The following FZR1 variants were observed in gnomAD, a reference collection of about 807,000 sequenced individuals.
The protein encoded by FZR1 is fizzy and cell division cycle 20 related 1.
A neutral mutation model predicts 63.6 loss-of-function variants in FZR1; 11 were observed. The ratio of observed to expected loss-of-function variants is 0.17; its 90% CI spans 0.11 to 0.29. FZR1 has a LOEUF of 0.29. Among genes scored for constraint, FZR1 ranks in the 10% least tolerant of loss-of-function variants. The probability of loss-of-function intolerance (pLI) is 1.00; values close to 1 mark genes in which losing one functional copy is unlikely to be tolerated. For missense variants in FZR1, 440 were observed against 687.5 expected (o/e 0.64, Z 4.03); for synonymous variants, 328 against 297.9 (o/e 1.10, Z -1.04).
chr19:3,528,841 G>A (rs947961882), intron 7 of FZR1, among the ~76,000 whole-genome samples: 2 of 133,876 alleles, frequency 1.5e-5, no homozygotes, highest in Admixed American at 1.5e-4. Context: ...ATGGATGAGA[G>A]AGTGGATGGG....
Position 3,531,904 on chromosome 19 carries a change from C to T in FZR1, c.824-7C>T. 1 of 1,589,532 alleles carries T rather than the reference C, an allele frequency of 6.3e-7. No homozygotes were observed. The highest frequency in any genetic ancestry group is 8.5e-7 in the Non-Finnish European group (1 of 1,170,548). The stretch of plus-strand genomic sequence containing the variant: ...GAGGCTCACCCCCGCTTCCACCTGG[C>T]CTCCAGGGGCGCTGGCCTGGAATGC... On this transcript the variant is annotated splice_polypyrimidine_tract_variant and splice_region_variant and intron_variant, in intron 9 of 13. Transcript: ENST00000441788.
intron 1 of FZR1, among the ~76,000 whole-genome samples, chr19:3,521,480 T>A (rs1364480985): frequency 6.6e-6 from 1 of 150,944 alleles, no homozygotes; most frequent in Admixed American, 6.6e-5. Context: ...ACCACGGGAA[T>A]GTGATTAACA....
intron 13 of FZR1, 52 bp downstream of exon 13, chr19:3,534,565 G>GGTCGTCCCTGTCCCCACT (rs1467841461): frequency 8.0e-7 from 1 of 1,252,500 alleles, no homozygotes; most frequent in Non-Finnish European, 1.2e-6. Context: ...CCTGTCCCAG[G>GGTCGTCCCTGTCCCCACT]GTCGTCCCTG....
At position 3,530,966 on chromosome 19, in the gene FZR1, G is replaced by T; in HGVS notation, c.720+109G>T. 5 of 754,996 alleles carry T rather than the reference G, an allele frequency of 6.6e-6. No individual in the cohort carries two copies. The South Asian group carries it at 8.3e-5, about 12-fold the overall frequency. The allele number at this position is 754,996 out of a possible 1,614,324, so 46.8% of individuals were successfully genotyped here. A position where few individuals can be genotyped will look rare whatever the true frequency, so the allele number is the denominator to read the frequency against. ...TAGTGCGTGGCCTGAGGTCGCCTGTGTCCAAGCATAGGTCTGTGTCCCCCA... is the reference window on the plus strand; with the variant it reads ...TAGTGCGTGGCCTGAGGTCGCCTGTTTCCAAGCATAGGTCTGTGTCCCCCA... On this transcript the variant is annotated intron_variant, in intron 8 of 13. Transcript: ENST00000441788.
intron 1 of FZR1, among the ~76,000 whole-genome samples, chr19:3,521,506 CTT>C (rs60474623): frequency 2.8e-5 from 4 of 143,876 alleles, no homozygotes; most frequent in Non-Finnish European, 4.6e-5. Context: ...GAACTGTACG[CTT>C]TTTTTTTTTT....
chr19:3,519,709 C>G (rs1358789177), intron 1 of FZR1, among the ~76,000 whole-genome samples: 1 of 152,240 alleles, frequency 6.6e-6, no homozygotes, highest in African/African-American at 2.4e-5. Context: ...ACAGCCTGGA[C>G]TGAGCACTGC....
intron 1 of FZR1, among the ~76,000 whole-genome samples, chr19:3,518,912 C>T (rs1212171127): frequency 6.6e-6 from 1 of 152,240 alleles, no homozygotes; most frequent in African/African-American, 2.4e-5. Flanking sequence ...ACCTGGAATG[C>T]TTCTCCACCA....
rs1332422715 is a variant in FZR1, at chr19:3,531,765, G to A, written c.772G>A (p.Ala258Thr). ...THKGFVQIWD[A>T]AAGKKLSMLE... Reference sequence around the variant, plus strand: ...CAAGGGCTTCGTGCAGATCTGGGACGCAGCCGCAGGGAAGAAGCTGTCCAT... The same window carrying A: ...CAAGGGCTTCGTGCAGATCTGGGACACAGCCGCAGGGAAGAAGCTGTCCAT... The change falls in exon 9 of 14, where the codon GCA (alanine) becomes ACA (threonine). Residue 258 changes from alanine to threonine, a missense_variant. Around this residue, in one of 5 missense-constraint regions of FZR1, gnomAD observed 208 missense variants for 363.6 expected, o/e 0.57. Coordinates refer to ENST00000441788, the MANE Select transcript of FZR1 (RefSeq NM_016263.4). 4 of 1,549,930 alleles carry A rather than the reference G, an allele frequency of 2.6e-6. No homozygotes were observed. Among genetic ancestry groups the A allele is most frequent in the East Asian group, 4.9e-5 (2 of 40,910 alleles).
chr19:3,534,080 TGTG>T (rs1349347091), intron 12 of FZR1, among the ~76,000 whole-genome samples: 1 of 151,636 alleles, frequency 6.6e-6, no homozygotes, highest in Non-Finnish European at 1.5e-5. Context: ...TTAAATGAGG[TGTG>T]GTGGTGTGCA....
chr19:3,506,844 C>T (rs1282899676), intron 1 of FZR1, among the ~76,000 whole-genome samples: 1 of 152,162 alleles, frequency 6.6e-6, no homozygotes, highest in Non-Finnish European at 1.5e-5. Flanking sequence ...ACCCCTAGAA[C>T]AGCAGACCCC....
Position 3,537,752 on chromosome 19 carries a change from G to C in FZR1, c.*2916G>C, listed in dbSNP as rs1265353174. The stretch of plus-strand genomic sequence containing the variant: ...AGGAGCTGGGGCAGGCCCCATCCTG[G>C]GCATTGGAGATGATGAAACCGAGCA... On this transcript the variant is annotated 3_prime_UTR_variant, in exon 14 of 14. Coordinates refer to ENST00000441788, the MANE Select transcript of FZR1 (RefSeq NM_016263.4). 3.3e-5 allele frequency: 5 copies of C among 152,640 alleles called. No individual in the cohort carries two copies. Among genetic ancestry groups the C allele is most frequent in the Non-Finnish European group, 5.8e-5 (4 of 68,414 alleles). 9.5% of individuals were successfully genotyped at this position (152,640 alleles called of 1,614,324 possible).
chr19:3,527,558 G>T, intron 6 of FZR1, 73 bp from the exon 7 acceptor site: 1 of 1,223,996 alleles, frequency 8.2e-7, no homozygotes, highest in Non-Finnish European at 1.2e-6. Flanking sequence ...CAGGGAAGGA[G>T]ACACTTCCCA....
Position 3,534,796 on chromosome 19 carries a change from A to C in FZR1, c.1442A>C (p.Glu481Ala), listed in dbSNP as rs2083280682. The C allele has an allele frequency of 6.2e-7, 1 of 1,612,556 alleles. No homozygotes were observed. Among genetic ancestry groups the C allele is most frequent in the African/African-American group, 1.3e-5 (1 of 74,868 alleles). Residue 481 changes from glutamate to alanine, a missense_variant and splice_region_variant, in exon 14 of 14, where the codon GAG (glutamate) becomes GCG (alanine). By Grantham distance (107) the Glu-to-Ala change is moderately radical. Transcript: ENST00000441788. ...NVFSKTRSTK[E>A]SVSVLNLFTR... ...TCTGCCATCCCCATGTGTCTGCAGG[A>C]GTCTGTGTCTGTGCTCAACCTCTTC...
chr19:3,510,927 G>A (rs2083020281), intron 1 of FZR1, among the ~76,000 whole-genome samples: 1 of 152,260 alleles, frequency 6.6e-6, no homozygotes, highest in African/African-American at 2.4e-5. Flanking sequence ...AATGTCCGCA[G>A]CGCTGAGGTT....
chr19:3,514,806 C>T lies in FZR1; in HGVS notation c.-34-8150C>T, dbSNP rs138193892. On this transcript the variant is annotated intron_variant, in intron 1 of 13. Transcript: ENST00000441788. This position sits in a 1 kb window ranked among gnomAD's most constrained non-coding sequence, Gnocchi z 4.2. ...TTATCCCAGGGCGTCTCCCTCTGTA[C>T]GGGGGCCCTGTCACTGTTTTGTCAG... Among the ~76,000 whole-genome samples the T allele has an allele frequency of 2.6e-5, 4 of 152,316 alleles. No homozygotes were observed. Among genetic ancestry groups the T allele is most frequent in the Admixed American group, 6.5e-5 (1 of 15,314 alleles).
chr19:3,532,192 C>A (rs538644313), intron 10 of FZR1, 97 bp downstream of exon 10: 83 of 1,187,602 alleles, frequency 7.0e-5, no homozygotes, highest in Non-Finnish European at 9.3e-5. Context: ...GGCGCGGGCG[C>A]GGGGCCCACT....
chr19:3,507,204 A>G (rs2082990464), intron 1 of FZR1, among the ~76,000 whole-genome samples: 2 of 62,964 alleles, frequency 3.2e-5, no homozygotes, highest in Admixed American at 4.7e-4. Flanking sequence ...CTCTCCCACC[A>G]AAGCCTCAGA....
intron 2 of FZR1, among the ~76,000 whole-genome samples, chr19:3,524,000 T>C (rs2083128311): frequency 1.3e-5 from 2 of 152,212 alleles, no homozygotes; most frequent in African/African-American, 2.4e-5. Flanking sequence ...TCGTGCGTGA[T>C]GTAGCAGGGT....
In FZR1 at chr19:3,535,184, A is replaced by C; in HGVS notation, c.*348A>C. 1 of 357,896 alleles carries C rather than the reference A, an allele frequency of 2.8e-6. No homozygotes were observed. Among genetic ancestry groups the C allele is most frequent in the Non-Finnish European group, 5.3e-6 (1 of 188,884 alleles). The allele number at this position is 357,896 out of a possible 1,614,324, so 22.2% of individuals were successfully genotyped here. A position where few individuals can be genotyped will look rare whatever the true frequency, so the allele number is the denominator to read the frequency against. On this transcript the variant is annotated 3_prime_UTR_variant, in exon 14 of 14. Coordinates refer to ENST00000441788, the MANE Select transcript of FZR1 (RefSeq NM_016263.4). Reference sequence around the variant, plus strand: ...GCCTCCGTCTGTTCATCACCTGCCCACCGGAGCCGCATGCTCTTCCTGGAA... The same window carrying C: ...GCCTCCGTCTGTTCATCACCTGCCCCCCGGAGCCGCATGCTCTTCCTGGAA...
Sources: gnomAD v4.1 joint callset for allele counts (sites outside exome capture counted in the v4.1 genomes callset) on GRCh38, gnomAD v4.1.1 for gene constraint, gnomAD v4.1.1 regional missense constraint, Gnocchi (gnomAD v3.1) non-coding constraint, MANE v1.5 for transcripts, NCBI Gene and HGNC (gene_info 2026-07-23, HGNC 2026-07-21) for gene names.